Variants in SERTAD3 observed in about 807,000 individuals in gnomAD.
The protein encoded by SERTAD3 is SERTA domain-containing protein 3.
A neutral mutation model predicts 11.9 loss-of-function variants in SERTAD3; 6 were observed. That is an observed-to-expected ratio of 0.50 (90% CI 0.28 to 0.99). The LOEUF (loss-of-function observed/expected upper bound fraction) is 0.99, where lower values mean the gene tolerates loss of function less well. Among genes scored for constraint, SERTAD3 ranks in the 50% least tolerant of loss-of-function variants. The pLI is 0.11. For missense variants in SERTAD3, 261 were observed against 240.9 expected (o/e 1.08, Z -0.55); for synonymous variants, 101 against 98.9 (o/e 1.02, Z -0.13).
chr19:40,442,330 T>C (rs1046011883), intron 1 of SERTAD3: 1 of 366,098 alleles, frequency 2.7e-6, no homozygotes, highest in South Asian at 1.4e-4. Context: ...TACTTGCCTG[T>C]TGTGGCCTCA....
intron 1 of SERTAD3, chr19:40,442,383 C>T (rs964514753): frequency 3.6e-6 from 1 of 278,644 alleles, no homozygotes. Flanking sequence ...CCTCATCTGC[C>T]AAGTACGGAT....
Position 40,441,929 on chromosome 19 carries a change from C to G in SERTAD3, c.152G>C (p.Ser51Thr). Residue 51 changes from serine to threonine, a missense_variant, in exon 2 of 2, where the codon AGC (serine) becomes ACC (threonine). Ser to Thr is a moderately conservative substitution (Grantham distance 58, BLOSUM62 1). Coordinates refer to ENST00000322354, the MANE Select transcript of SERTAD3 (RefSeq NM_203344.3). The part of the protein sequence containing the change: ...VQRSLGPRAP[S>T]LRRHVLIHNT... ...ATGGATGAGGACATGCCTGCGGAGG[C>G]TGGGTGCTCGGGGGCCCAGGCTGCG... is the stretch of plus-strand genomic sequence containing the variant. 1 of 1,571,020 alleles carries G rather than the reference C, an allele frequency of 6.4e-7. No homozygotes were observed. Among genetic ancestry groups the G allele is most frequent in the Non-Finnish European group, 8.6e-7 (1 of 1,159,910 alleles).
intron 1 of SERTAD3, among the ~76,000 whole-genome samples, chr19:40,443,102 C>A (rs903154853): frequency 1.3e-5 from 2 of 151,846 alleles, no homozygotes; most frequent in Non-Finnish European, 2.9e-5. Flanking sequence ...GGAAAACTTG[C>A]TAGAACTCAG....
Position 40,444,266 on chromosome 19 carries a change from G to A in SERTAD3, c.-58C>T, listed in dbSNP as rs1320894308. 6.6e-6 allele frequency: 1 copy of A among 152,308 alleles called. No homozygotes were observed. Among genetic ancestry groups the A allele is most frequent in the South Asian group, 2.1e-4 (1 of 4,832 alleles). The allele number at this position is 152,308 out of a possible 1,614,324, so 9.4% of individuals were successfully genotyped here. A position where few individuals can be genotyped will look rare whatever the true frequency, so the allele number is the denominator to read the frequency against. On this transcript the variant is annotated 5_prime_UTR_variant, in exon 1 of 2. Coordinates refer to ENST00000322354, the MANE Select transcript of SERTAD3 (RefSeq NM_203344.3). ...CCTCCTGGAACGCCCACAGCGTTGC[G>A]ACCCGCCAGTGCCAGGACCCACCAG...
chr19:40,443,727 G>C (rs769710013), intron 1 of SERTAD3: 3 of 153,652 alleles, frequency 2.0e-5, no homozygotes, highest in Non-Finnish European at 2.9e-5. Flanking sequence ...CTCGCTGTCC[G>C]GCTCCAAGAC....
chr19:40,441,379 G>A lies in SERTAD3; in HGVS notation c.*111C>T. On this transcript the variant is annotated 3_prime_UTR_variant, in exon 2 of 2. Coordinates refer to ENST00000322354, the MANE Select transcript of SERTAD3 (RefSeq NM_203344.3). ...GGAACCCTGAAATGGGAACAAAGGA[G>A]GCCATAGTCACTGCTTCGAGCCCCC... 1.1e-6 allele frequency: 1 copy of A among 913,468 alleles called. No individual in the cohort carries two copies. The highest frequency in any genetic ancestry group is 2.4e-5 in the East Asian group (1 of 41,068). 56.6% of individuals were successfully genotyped at this position (913,468 alleles called of 1,614,324 possible).
At chr19:40,442,974 G>C (rs2079689502) in intron 1 of SERTAD3, among the ~76,000 whole-genome samples, 1 of 152,078 alleles carries the variant, frequency 6.6e-6, no homozygotes, top group South Asian at 2.1e-4. Context: ...TTCTTCAACA[G>C]TCGGGATATT....
Position 40,441,530 on chromosome 19 carries a change from T to C in SERTAD3, c.551A>G (p.Asn184Ser), listed in dbSNP as rs2079675817. 2.5e-6 allele frequency: 4 copies of C among 1,613,378 alleles called. No individual in the cohort carries two copies. Among genetic ancestry groups the C allele is most frequent in the Non-Finnish European group, 3.4e-6 (4 of 1,179,850 alleles). ...LFCAPGSWEWNELDHIMEIIL... is the reference protein window; with the variant it reads ...LFCAPGSWEWSELDHIMEIIL... Reference sequence around the variant, plus strand: ...GATTTCCATGATGTGATCCAGTTCATTCCACTCCCAAGAACCTGGGGCACA... The same window carrying C: ...GATTTCCATGATGTGATCCAGTTCACTCCACTCCCAAGAACCTGGGGCACA... The change falls in exon 2 of 2, where the codon AAT (asparagine) becomes AGT (serine). Residue 184 changes from asparagine (N) to serine (S), a missense_variant. Physicochemically the swap from Asn to Ser is conservative, Grantham distance 46 (BLOSUM62 1). Coordinates refer to ENST00000322354, the MANE Select transcript of SERTAD3 (RefSeq NM_203344.3).
rs7259593 is a variant in SERTAD3 at position 40,441,169 on chromosome 19, G to A, written c.*321C>T. The stretch of plus-strand genomic sequence containing the variant: ...GCCCAGCTTTCTTTATCTTCCCTGA[G>A]GCCCCAGTGGTCACAGGGGAGTGGG... On this transcript the variant is annotated 3_prime_UTR_variant, in exon 2 of 2. Transcript: ENST00000322354. The A allele has an allele frequency of 0.16, 32,441 of 202,746 alleles. 2,829 individuals are homozygous for A. The highest frequency in any genetic ancestry group is 0.19 in the African/African-American group (8,105 of 43,056). 12.6% of individuals were successfully genotyped at this position (202,746 alleles called of 1,614,324 possible).
chr19:40,442,320 T>C (rs940502291), intron 1 of SERTAD3: 6 of 375,204 alleles, frequency 1.6e-5, no homozygotes, highest in East Asian at 1.5e-4. Flanking sequence ...AAATCTCACT[T>C]ACTTGCCTGT....
chr19:40,442,711 T>G (rs1280178596), intron 1 of SERTAD3: 1 of 152,342 alleles, frequency 6.6e-6, no homozygotes, highest in Non-Finnish European at 1.5e-5. Context: ...AGAGTTGTGT[T>G]TGTTTTTTGT....
At chr19:40,442,549 GAT>G (rs1469746336) in intron 1 of SERTAD3, 1 of 153,368 alleles carries the variant, frequency 6.5e-6, no homozygotes, top group Non-Finnish European at 1.5e-5. Flanking sequence ...TCAGCTGCGT[GAT>G]CATGGGAAGT....
Position 40,441,787 on chromosome 19 carries a change from G to C in SERTAD3, c.294C>G (p.Ile98Met), listed in dbSNP as rs944384221. The change falls in exon 2 of 2, where the codon ATC (isoleucine) becomes ATG (methionine). Residue 98 changes from isoleucine (I) to methionine (M), a missense_variant. By Grantham distance (10) the Ile-to-Met change is conservative. Coordinates refer to ENST00000322354, the MANE Select transcript of SERTAD3 (RefSeq NM_203344.3). ...DFSLSATIGS[I>M]LRELDTSMDG... ...CCATGGAGGTGTCCAGCTCCCTGAG[G>C]ATAGAGCCAATGGTGGCTGACAGGG... The C allele has an allele frequency of 1.9e-6, 3 of 1,608,378 alleles. No individual in the cohort carries two copies. Among genetic ancestry groups the C allele is most frequent in the South Asian group, 1.1e-5 (1 of 90,574 alleles).
intron 1 of SERTAD3, among the ~76,000 whole-genome samples, chr19:40,443,275 C>G (rs2079692183): frequency 6.6e-6 from 1 of 152,254 alleles, no homozygotes; most frequent in African/African-American, 2.4e-5. Context: ...CACGAATTGA[C>G]GTCGAGCACG....
intron 1 of SERTAD3, among the ~76,000 whole-genome samples, chr19:40,443,055 G>C: frequency 6.6e-6 from 1 of 151,614 alleles, no homozygotes; most frequent in East Asian, 1.9e-4. Flanking sequence ...CATTCCCTCT[G>C]CCCACGCTTT....
Position 40,441,525 on chromosome 19 carries a change from G to A in SERTAD3, c.556C>T (p.Leu186=). 1 of 1,613,266 alleles carries A rather than the reference G, an allele frequency of 6.2e-7. No homozygotes were observed. Among genetic ancestry groups the A allele is most frequent in the Admixed American group, 1.7e-5 (1 of 59,700 alleles). The change falls in exon 2 of 2, where the codon CTG becomes TTG. Residue 186 remains leucine (L), a synonymous_variant. Transcript: ENST00000322354. Reference sequence around the variant, plus strand: ...AGAATGATTTCCATGATGTGATCCAGTTCATTCCACTCCCAAGAACCTGGG... The same window carrying A: ...AGAATGATTTCCATGATGTGATCCAATTCATTCCACTCCCAAGAACCTGGG... ...CAPGSWEWNE[L]DHIMEIILGS
intron 1 of SERTAD3, among the ~76,000 whole-genome samples, chr19:40,442,759 G>A (rs1416189087): frequency 6.6e-6 from 1 of 152,170 alleles, no homozygotes; most frequent in African/African-American, 2.4e-5. Context: ...AGGGCTGAGT[G>A]CAGCAGCGCT....
Position 40,441,466 on chromosome 19 carries a change from GGA to G in SERTAD3, c.*22_*23del. On this transcript the variant is annotated 3_prime_UTR_variant, in exon 2 of 2. Transcript: ENST00000322354. ...AGGCCACCGAAGATGACATGAGGAA[GGA>G]TCGATCCCCTCTATCACAGTTTTAG... 6.4e-7 allele frequency: 1 copy of G among 1,560,038 alleles called. No homozygotes were observed. The highest frequency in any genetic ancestry group is 8.7e-7 in the Non-Finnish European group (1 of 1,150,256).
At chr19:40,443,952 C>T (rs940300216) in intron 1 of SERTAD3, 1 of 153,766 alleles carries the variant, frequency 6.5e-6, no homozygotes, top group Admixed American at 6.6e-5. Flanking sequence ...CTCAAAAGTT[C>T]CTCCCCTCTG....
Sources: allele counts gnomAD v4.1 joint callset (sites outside exome capture counted in the v4.1 genomes callset), GRCh38; gene constraint gnomAD v4.1.1; transcripts MANE v1.5; gene names NCBI Gene and HGNC (gene_info 2026-07-23, HGNC 2026-07-21).